The following NMNAT2 variants were observed in gnomAD, a reference collection of about 807,000 sequenced individuals.
NMNAT2 encodes nicotinamide/nicotinic acid mononucleotide adenylyltransferase 2.
A neutral mutation model predicts 41.6 loss-of-function variants in NMNAT2; 11 were observed. The ratio of observed to expected loss-of-function variants is 0.26; its 90% CI spans 0.17 to 0.44. NMNAT2 has a LOEUF of 0.44. Among genes scored for constraint, NMNAT2 ranks in the 20% least tolerant of loss-of-function variants. The probability of loss-of-function intolerance (pLI) is 1.00; values close to 1 mark genes in which losing one functional copy is unlikely to be tolerated. For missense variants in NMNAT2, 288 were observed against 407.7 expected (o/e 0.71, Z 2.53); for synonymous variants, 148 against 151.2 (o/e 0.98, Z 0.16).
Position 183,261,099 on chromosome 1 carries a change from C to T in NMNAT2, c.754-30G>A, listed in dbSNP as rs201406600. On this transcript the variant is annotated intron_variant, in intron 9 of 10. Transcript: ENST00000287713. ...GGACAGAGCAGACAGAGTCAGTTGC[C>T]AGTCCCTCCCACTAAACTCCTTTTG... The T allele has an allele frequency of 2.7e-5, 44 of 1,608,102 alleles. No individual in the cohort carries two copies. In the East Asian group the frequency reaches 2.9e-4, roughly 11 times the overall value.
chr1:183,416,116 A>T (rs1471120777), intron 1 of NMNAT2, among the ~76,000 whole-genome samples: 1 of 152,214 alleles, frequency 6.6e-6, no homozygotes, highest in Non-Finnish European at 1.5e-5. Flanking sequence ...CTTGAAGCTC[A>T]TGGAGAATTG....
At chr1:183,333,081 A>G (rs1662617739) in intron 1 of NMNAT2, among the ~76,000 whole-genome samples, 1 of 152,186 alleles carries the variant, frequency 6.6e-6, no homozygotes, top group South Asian at 2.1e-4. Context: ...AACCCCATAG[A>G]GAAGGACTCC....
chr1:183,358,111 C>T (rs1663235510), intron 1 of NMNAT2, among the ~76,000 whole-genome samples: 1 of 152,116 alleles, frequency 6.6e-6, no homozygotes, highest in Non-Finnish European at 1.5e-5. Context: ...AGATCATGTC[C>T]TTTGCAGGGA....
At chr1:183,262,543 C>T (rs1160383416) in intron 8 of NMNAT2, among the ~76,000 whole-genome samples, 1 of 152,074 alleles carries the variant, frequency 6.6e-6, no homozygotes, top group Non-Finnish European at 1.5e-5. Context: ...GTATATTTTA[C>T]ACTATGTGTA....
intron 1 of NMNAT2, among the ~76,000 whole-genome samples, chr1:183,403,233 CAAACAACA>C (rs1370736079): frequency 6.6e-6 from 1 of 152,170 alleles, no homozygotes; most frequent in East Asian, 1.9e-4. Context: ...TGCACCCGGC[CAAACAACA>C]TCATATCTTA....
chr1:183,295,456 G>C (rs984127118), intron 1 of NMNAT2, among the ~76,000 whole-genome samples: 1 of 152,078 alleles, frequency 6.6e-6, no homozygotes, highest in African/African-American at 2.4e-5. Flanking sequence ...CCTTCATGCA[G>C]TTTCCCCCAT....
chr1:183,307,360 G>A (rs1662017111), intron 1 of NMNAT2, among the ~76,000 whole-genome samples: 1 of 150,750 alleles, frequency 6.6e-6, no homozygotes, highest in South Asian at 2.1e-4. Context: ...AGGCTGGAGT[G>A]CAATGGTGTG....
chr1:183,406,709 A>C (rs1397465968), intron 1 of NMNAT2, among the ~76,000 whole-genome samples: 2 of 152,166 alleles, frequency 1.3e-5, no homozygotes, highest in African/African-American at 4.8e-5. Flanking sequence ...CGCTCAAAGT[A>C]GAGTAAGTAC....
chr1:183,379,843 C>G (rs1272052619), intron 1 of NMNAT2, among the ~76,000 whole-genome samples: 1 of 152,184 alleles, frequency 6.6e-6, no homozygotes, highest in African/African-American at 2.4e-5. Context: ...CATATTAAGT[C>G]AAGGGATTGC....
At chr1:183,308,340 C>A (rs1662041262) in intron 1 of NMNAT2, among the ~76,000 whole-genome samples, 1 of 152,196 alleles carries the variant, frequency 6.6e-6, no homozygotes, top group Non-Finnish European at 1.5e-5. Context: ...TACATTCTAA[C>A]ACGTGGTCCA....
chr1:183,376,092 G>C (rs189113649), intron 1 of NMNAT2, among the ~76,000 whole-genome samples: 4 of 152,278 alleles, frequency 2.6e-5, no homozygotes, highest in Non-Finnish European at 4.4e-5. Flanking sequence ...CCTAAGGAGT[G>C]CTGAAGAGGT....
At chr1:183,349,228 A>C (rs990026471) in intron 1 of NMNAT2, among the ~76,000 whole-genome samples, 3 of 152,224 alleles carry the variant, frequency 2.0e-5, no homozygotes, top group Non-Finnish European at 2.9e-5. Context: ...TAATAACACC[A>C]TTCTGCATGA....
At chr1:183,299,126 C>A (rs12145136) in intron 1 of NMNAT2, among the ~76,000 whole-genome samples, 45,166 of 152,092 alleles carry the variant, frequency 0.3, 7,901 homozygotes, top group Middle Eastern at 0.4. Flanking sequence ...AATCCCAGCA[C>A]TTTGGGAGGC....
chr1:183,285,968 C>T (rs1381094294), intron 5 of NMNAT2, among the ~76,000 whole-genome samples: 1 of 152,166 alleles, frequency 6.6e-6, no homozygotes, highest in Non-Finnish European at 1.5e-5. Flanking sequence ...CTGCTTCTTG[C>T]TCACTGTGTG....
At chr1:183,301,558 G>A (rs547341180) in intron 1 of NMNAT2, among the ~76,000 whole-genome samples, 10 of 152,300 alleles carry the variant, frequency 6.6e-5, no homozygotes, top group African/African-American at 2.2e-4. Flanking sequence ...TCTGCATTTG[G>A]TCACCATCTT....
At chr1:183,261,754 A>G (rs1212654145) in intron 8 of NMNAT2, among the ~76,000 whole-genome samples, 2 of 152,102 alleles carry the variant, frequency 1.3e-5, no homozygotes, top group African/African-American at 4.8e-5. Context: ...CTTCTGGCTC[A>G]CCCTCATAAA....
chr1:183,287,564 A>G (rs1403350809), intron 4 of NMNAT2, among the ~76,000 whole-genome samples: 1 of 152,266 alleles, frequency 6.6e-6, no homozygotes, highest in African/African-American at 2.4e-5. Context: ...CAGAAAACAC[A>G]GAGCTGATAA....
chr1:183,289,722 G>A (rs995490156), intron 4 of NMNAT2, among the ~76,000 whole-genome samples: 1 of 152,198 alleles, frequency 6.6e-6, no homozygotes, highest in Admixed American at 6.5e-5. Flanking sequence ...CAGGCTGCTT[G>A]TACCTCCCCT....
chr1:183,253,555 C>T (rs1660445124), intron 10 of NMNAT2, among the ~76,000 whole-genome samples: 1 of 152,118 alleles, frequency 6.6e-6, no homozygotes, highest in South Asian at 2.1e-4. Context: ...ATATTTGCTA[C>T]TTTGTATCCT....
Sources: allele counts gnomAD v4.1 joint callset (sites outside exome capture counted in the v4.1 genomes callset), GRCh38; gene constraint gnomAD v4.1.1; transcripts MANE v1.5; gene names NCBI Gene and HGNC (gene_info 2026-07-23, HGNC 2026-07-21).